The following TCF4 variants were observed in gnomAD, a reference collection of about 807,000 sequenced individuals.
TCF4 encodes SL3-3 enhancer factor 2.
TCF4 carries 3 observed loss-of-function variants against 82.1 expected under a neutral mutation model. That is an observed-to-expected ratio of 0.04 (90% CI 0.02 to 0.09). TCF4 has a LOEUF of 0.09. Among genes scored for constraint, TCF4 ranks in the 10% least tolerant of loss-of-function variants. The pLI, the probability that TCF4 is intolerant of heterozygous loss-of-function variation, is 1.00. For missense variants in TCF4, 518 were observed against 852.7 expected (o/e 0.61, Z 4.89); for synonymous variants, 276 against 309.6 (o/e 0.89, Z 1.14).
At chr18:55,335,378 C>T (rs1028789573) in intron 8 of TCF4, among the ~76,000 whole-genome samples, 2 of 152,098 alleles carry the variant, frequency 1.3e-5, no homozygotes, top group Admixed American at 1.3e-4. Context: ...TCATTGTGTC[C>T]TGTGATAAGC....
chr18:55,461,226 A>C, intron 4 of TCF4, 111 bp from the exon 5 acceptor site: 1 of 840,686 alleles, frequency 1.2e-6, no homozygotes, highest in Non-Finnish European at 1.9e-6. Flanking sequence ...GGAGTCCACT[A>C]TTCCCTCCCT....
At chr18:55,392,753 A>T (rs2093238379) in intron 6 of TCF4, among the ~76,000 whole-genome samples, 1 of 151,850 alleles carries the variant, frequency 6.6e-6, no homozygotes, top group Non-Finnish European at 1.5e-5. Flanking sequence ...GTCTTATAAC[A>T]GTGTGTGTGT....
intron 8 of TCF4, among the ~76,000 whole-genome samples, chr18:55,287,493 C>T (rs1331000744): frequency 6.6e-6 from 1 of 152,200 alleles, no homozygotes; most frequent in African/African-American, 2.4e-5. Context: ...GAATTTCAGT[C>T]CCCTTCCTTG....
chr18:55,266,809 T>A (rs185563302), intron 11 of TCF4: 9 of 152,300 alleles, frequency 5.9e-5, no homozygotes, highest in Admixed American at 5.9e-4. Context: ...CAAACCTCAG[T>A]GGGCATCTTC....
At chr18:55,534,778 C>T (rs958009507) in intron 3 of TCF4, among the ~76,000 whole-genome samples, 3 of 152,180 alleles carry the variant, frequency 2.0e-5, no homozygotes, top group Non-Finnish European at 4.4e-5. Context: ...CTTTATATTC[C>T]ACTACATGCC....
At chr18:55,402,072 G>T (rs983632775) in intron 6 of TCF4, 1 of 985,248 alleles carries the variant, frequency 1.0e-6, no homozygotes, top group Non-Finnish European at 1.2e-6. Context: ...AGATGTTTCC[G>T]TTGCGCTGGA....
intron 6 of TCF4, among the ~76,000 whole-genome samples, chr18:55,373,361 A>G (rs1042151010): frequency 3.9e-5 from 6 of 152,150 alleles, no homozygotes; most frequent in Admixed American, 6.5e-5. Flanking sequence ...CTGAACTTCT[A>G]ATCATTTATG....
intron 3 of TCF4, among the ~76,000 whole-genome samples, chr18:55,519,739 T>C (rs776652707): frequency 4.6e-5 from 7 of 152,208 alleles, no homozygotes; most frequent in Non-Finnish European, 1.0e-4. Context: ...GCTTAGCATA[T>C]GTGTAACTTC....
At chr18:55,504,466 C>G (rs2096732724) in intron 3 of TCF4, among the ~76,000 whole-genome samples, 2 of 152,270 alleles carry the variant, frequency 1.3e-5, no homozygotes, top group Admixed American at 1.3e-4. Flanking sequence ...CTAAAGTTAT[C>G]ACATGCTAAT....
intron 3 of TCF4, among the ~76,000 whole-genome samples, chr18:55,480,898 G>GT (rs1410306286): frequency 6.6e-6 from 1 of 152,170 alleles, no homozygotes; most frequent in Non-Finnish European, 1.5e-5. Flanking sequence ...GAGGCCAGGA[G>GT]TTTGAGACCA....
At position 55,229,099 on chromosome 18, in the gene TCF4, C is replaced by T. The variant is rs374345317; in HGVS notation, c.1650-23G>A. ...TTGCTGTGGGACAAAAGGGATGCAA[C>T]ATTTTCTAATGGTGTGGGGAAAAAG... On this transcript the variant is annotated intron_variant, in intron 17 of 19. Transcript: ENST00000354452. 1.2e-5 allele frequency: 19 copies of T among 1,611,488 alleles called. No individual in the cohort carries two copies. In the African/African-American group the frequency reaches 2.0e-4, roughly 17 times the overall value.
intron 3 of TCF4, among the ~76,000 whole-genome samples, chr18:55,491,477 G>A (rs2096576090): frequency 6.6e-6 from 1 of 152,142 alleles, no homozygotes; most frequent in South Asian, 2.1e-4. Flanking sequence ...CAATTACCCA[G>A]TCTGTTGCAC....
chr18:55,404,075 T>C (rs2146507312), intron 5 of TCF4: 1 of 1,106,222 alleles, frequency 9.0e-7, no homozygotes, highest in African/African-American at 1.6e-5. Flanking sequence ...GGAATTTACA[T>C]TTGGGAAACA....
chr18:55,347,039 C>G (rs1342553528), intron 8 of TCF4, among the ~76,000 whole-genome samples: 2 of 151,938 alleles, frequency 1.3e-5, no homozygotes, highest in African/African-American at 4.8e-5. Flanking sequence ...AGTAAAGTTG[C>G]AAAATATTGA....
At chr18:55,534,432 G>A (rs894728430) in intron 3 of TCF4, among the ~76,000 whole-genome samples, 1 of 152,210 alleles carries the variant, frequency 6.6e-6, no homozygotes, top group African/African-American at 2.4e-5. Context: ...AGACACATAA[G>A]TGAGGGATGG....
rs186053367 is a variant in TCF4, at chr18:55,506,760, T to C, written c.146-42623A>G. Among the ~76,000 whole-genome samples, 860 of 152,334 alleles carry C rather than the reference T, an allele frequency of 5.6e-3. 2 individuals are homozygous for C. Among genetic ancestry groups the C allele is most frequent in the Non-Finnish European group, 8.8e-3 (597 of 68,030 alleles). On this transcript the variant is annotated intron_variant, in intron 3 of 19. Coordinates refer to ENST00000354452, the MANE Select transcript of TCF4 (RefSeq NM_001083962.2). ...CTATGCATATATACCTATGATAAAG[T>C]TAGTTCATAAATCAGGCACAGTGAG...
intron 8 of TCF4, among the ~76,000 whole-genome samples, chr18:55,344,715 T>C (rs947851007): frequency 1.3e-5 from 2 of 152,086 alleles, no homozygotes; most frequent in African/African-American, 4.8e-5. Flanking sequence ...AGTAGGAAGA[T>C]ACATCAGGCA....
At chr18:55,511,776 T>C (rs2096831300) in intron 3 of TCF4, among the ~76,000 whole-genome samples, 1 of 152,086 alleles carries the variant, frequency 6.6e-6, no homozygotes. Flanking sequence ...TTATACACAG[T>C]GACAATTTTT....
At chr18:55,510,874 C>A (rs1009437540) in intron 3 of TCF4, 8 of 725,032 alleles carry the variant, frequency 1.1e-5, no homozygotes, top group Non-Finnish European at 1.4e-5. Context: ...CAATAGCAGA[C>A]CTTTTCTGAA....
Sources: allele counts gnomAD v4.1 joint callset (sites outside exome capture counted in the v4.1 genomes callset), GRCh38; gene constraint gnomAD v4.1.1; transcripts MANE v1.5; gene names NCBI Gene and HGNC (gene_info 2026-07-23, HGNC 2026-07-21).